Variants in FBXW7 observed in about 807,000 individuals in gnomAD.
FBXW7 encodes F-box and WD repeat domain containing 7, also known as F-box/WD repeat-containing protein 7.
A neutral mutation model predicts 86.3 loss-of-function variants in FBXW7; 11 were observed. The observed-to-expected ratio is 0.13, with a 90% CI of 0.08 to 0.21. FBXW7 has a LOEUF of 0.21. Among genes scored for constraint, FBXW7 ranks in the 10% least tolerant of loss-of-function variants. The pLI is 1.00. For synonymous variants in FBXW7, 313 were observed against 297.9 expected, an observed-to-expected ratio of 1.05 and a Z score of -0.52; for missense variants, 488 against 847.4, an observed-to-expected ratio of 0.58 and a Z score of 5.27.
At chr4:152,441,927 C>G (rs538441437) in intron 2 of FBXW7, among the ~76,000 whole-genome samples, 97 of 152,118 alleles carry the variant, frequency 6.4e-4, no homozygotes, top group African/African-American at 2.2e-3. Context: ...AAGGTTAACA[C>G]GATTTTTATT....
At chr4:152,356,451 T>C (rs1217488491) in intron 4 of FBXW7, among the ~76,000 whole-genome samples, 2 of 152,174 alleles carry the variant, frequency 1.3e-5, no homozygotes, top group African/African-American at 4.8e-5. Context: ...TACACTTCCA[T>C]TTTATAATAG....
intron 2 of FBXW7, chr4:152,489,217 G>C (rs1271145924): frequency 6.5e-6 from 1 of 154,148 alleles, no homozygotes; most frequent in Non-Finnish European, 1.5e-5. Context: ...AGTTCACAAA[G>C]GGCCATGTTT....
intron 2 of FBXW7, among the ~76,000 whole-genome samples, chr4:152,459,698 T>C (rs1246370013): frequency 6.6e-6 from 1 of 152,196 alleles, no homozygotes; most frequent in Non-Finnish European, 1.5e-5. Context: ...TACTATGTCT[T>C]TTCCTATACA....
chr4:152,380,857 A>G (rs1029184014), intron 4 of FBXW7, among the ~76,000 whole-genome samples: 1 of 151,840 alleles, frequency 6.6e-6, no homozygotes, highest in Non-Finnish European at 1.5e-5. Context: ...TTTCTTTTAC[A>G]GGGGTATAAG....
At chr4:152,491,811 G>A (rs372170940) in intron 2 of FBXW7, among the ~76,000 whole-genome samples, 3 of 151,708 alleles carry the variant, frequency 2.0e-5, no homozygotes, top group East Asian at 3.9e-4. Context: ...AACCACCAAC[G>A]TTCTGCAATT....
chr4:152,359,638 C>G (rs1165279252), intron 4 of FBXW7, among the ~76,000 whole-genome samples: 4 of 151,488 alleles, frequency 2.6e-5, no homozygotes, highest in Non-Finnish European at 5.9e-5. Context: ...CAAAACAAAA[C>G]AACAACAAAA....
intron 2 of FBXW7, among the ~76,000 whole-genome samples, chr4:152,486,242 T>A (rs1399304912): frequency 6.6e-6 from 1 of 152,206 alleles, no homozygotes; most frequent in Non-Finnish European, 1.5e-5. Context: ...AGGTCGTTAC[T>A]GCACACGGCT....
chr4:152,337,698 A>C (rs1044645179), intron 7 of FBXW7, 104 bp downstream of exon 7: 24 of 1,216,606 alleles, frequency 2.0e-5, no homozygotes, highest in Non-Finnish European at 2.3e-5. Flanking sequence ...TGTCAAACTG[A>C]CAATACCGAA....
At chr4:152,530,776 A>G (rs1280265315) in intron 2 of FBXW7, 1 of 152,242 alleles carries the variant, frequency 6.6e-6, no homozygotes, top group Admixed American at 6.5e-5. Flanking sequence ...CAGGAGTCCA[A>G]AAACTTCGGC....
intron 8 of FBXW7, among the ~76,000 whole-genome samples, chr4:152,331,279 A>C (rs556238704): frequency 5.3e-4 from 80 of 152,126 alleles, no homozygotes; most frequent in Admixed American, 1.2e-3. Context: ...TCATCTGTAC[A>C]CCCATGCTCA....
chr4:152,390,696 A>C (rs941487023), intron 4 of FBXW7, among the ~76,000 whole-genome samples: 2 of 152,100 alleles, frequency 1.3e-5, no homozygotes, highest in African/African-American at 2.4e-5. Context: ...TTAAACTTTC[A>C]GTTAAAATAA....
chr4:152,382,067 C>T (rs894671653), intron 4 of FBXW7: 36 of 557,602 alleles, frequency 6.5e-5, no homozygotes, highest in Non-Finnish European at 1.0e-4. Flanking sequence ...TTACTGGCTA[C>T]ACAATGCATT....
At chr4:152,510,121 T>C (rs550911491) in intron 2 of FBXW7, among the ~76,000 whole-genome samples, 3 of 152,346 alleles carry the variant, frequency 2.0e-5, no homozygotes, top group East Asian at 1.9e-4. Flanking sequence ...GCATTTTTCA[T>C]ACTTACAAAA....
At chr4:152,338,223 C>T (rs1730358827) in intron 6 of FBXW7, 2 of 203,930 alleles carry the variant, frequency 9.8e-6, no homozygotes, top group Admixed American at 1.2e-4. Context: ...ACCACCAAGT[C>T]ACTAACTGAG....
intron 4 of FBXW7, chr4:152,382,155 A>G (rs766279144): frequency 1.4e-6 from 2 of 1,464,986 alleles, no homozygotes; most frequent in Non-Finnish European, 1.8e-6. Flanking sequence ...TCACTTAAAT[A>G]AACATTCATA....
intron 2 of FBXW7, among the ~76,000 whole-genome samples, chr4:152,450,195 T>C (rs1005405050): frequency 2.0e-5 from 3 of 152,214 alleles, no homozygotes; most frequent in African/African-American, 7.2e-5. Context: ...GCACTTCACA[T>C]TCAATTTTTT....
chr4:152,353,003 G>A (rs773782031), intron 4 of FBXW7: 38 of 1,235,434 alleles, frequency 3.1e-5, no homozygotes, highest in Middle Eastern at 3.1e-4. Context: ...AGCAGAGACC[G>A]CCCCCACACG....
chr4:152,324,466 T>C (rs1417440318), intron 12 of FBXW7, 72 bp from the exon 13 acceptor site: 29 of 1,236,726 alleles, frequency 2.3e-5, no homozygotes, highest in East Asian at 2.5e-5. Flanking sequence ...TTAATCCTAG[T>C]AGGAAAGGGG....
chr4:152,482,071 T>C (rs1448904933), intron 2 of FBXW7, among the ~76,000 whole-genome samples: 1 of 152,182 alleles, frequency 6.6e-6, no homozygotes, highest in Non-Finnish European at 1.5e-5. Context: ...GAATAATTGA[T>C]GTAACAAACT....
Sources: gnomAD v4.1 joint callset for allele counts (sites outside exome capture counted in the v4.1 genomes callset) on GRCh38, gnomAD v4.1.1 for gene constraint, MANE v1.5 for transcripts, NCBI Gene and HGNC (gene_info 2026-07-23, HGNC 2026-07-21) for gene names.